CSMD2: variants seen among roughly 807,000 people sequenced by gnomAD.
CSMD2 encodes the protein CUB and Sushi multiple domains 2, also known as CUB and sushi domain-containing protein 2.
A neutral mutation model predicts 398.5 loss-of-function variants in CSMD2; 130 were observed. The ratio of observed to expected loss-of-function variants is 0.33; its 90% CI spans 0.28 to 0.38. The LOEUF (loss-of-function observed/expected upper bound fraction) is 0.38, where lower values mean the gene tolerates loss of function less well. CSMD2 is among the 10% of genes least tolerant of loss of function. CSMD2 has a pLI of 1.00. For missense variants in CSMD2, 3,829 were observed against 4,764.9 expected (o/e 0.80, Z 5.78); for synonymous variants, 1,828 against 1,908.5 (o/e 0.96, Z 1.10).
intron 65 of CSMD2, among the ~76,000 whole-genome samples, chr1:33,525,980 G>A (rs575903166): frequency 8.5e-5 from 13 of 152,212 alleles, no homozygotes; most frequent in Admixed American, 2.6e-4. Flanking sequence ...CACCACACCC[G>A]GCCAAAAGAG....
intron 3 of CSMD2, among the ~76,000 whole-genome samples, chr1:34,031,602 A>AC (rs771089594): frequency 6.6e-6 from 1 of 150,982 alleles, no homozygotes; most frequent in African/African-American, 2.4e-5. Flanking sequence ...TCTCCCCTAT[A>AC]CCCCCTGCCA....
At chr1:34,137,314 C>T (rs1441041478) in intron 1 of CSMD2, among the ~76,000 whole-genome samples, 1 of 151,738 alleles carries the variant, frequency 6.6e-6, no homozygotes, top group Non-Finnish European at 1.5e-5. Context: ...GTGACTGAAA[C>T]CTTATTACTT....
Position 33,819,808 on chromosome 1 carries a change from T to C in CSMD2, c.1229A>G (p.Asn410Ser). ...GGACCCTTGCAGGTCATAGCCCTCG[T>C]TGCAGGTGAACTGGACGCTGGATCC... ...RLGSSVQFTCNEGYDLQGSKR... is the reference protein window; with the variant it reads ...RLGSSVQFTCSEGYDLQGSKR... The change falls in exon 9 of 71, where the codon AAC becomes AGC. Residue 410 changes from asparagine to serine, a missense_variant. Coordinates refer to ENST00000373381, the MANE Select transcript of CSMD2 (RefSeq NM_001281956.2). 6.2e-7 allele frequency: 1 copy of C among 1,614,156 alleles called. No homozygotes were observed. Among genetic ancestry groups the C allele is most frequent in the African/African-American group, 1.3e-5 (1 of 75,062 alleles).
Position 34,164,464 on chromosome 1 carries a change from AGG to A in CSMD2, c.187+445_187+446del, listed in dbSNP as rs1418130799. ...AGACCTTGCAGACGCAGAAATGGGG[AGG>A]GGGCGCACGGTTCCTCTCCAGCCCC... On this transcript the variant is annotated intron_variant, in intron 1 of 70. Coordinates refer to ENST00000373381, the MANE Select transcript of CSMD2 (RefSeq NM_001281956.2). The surrounding 1 kb of genome is among the most constrained non-coding windows in gnomAD (Gnocchi z 6.2). Among the ~76,000 whole-genome samples, 1 of 151,674 alleles carries A rather than the reference AGG, an allele frequency of 6.6e-6. No individual in the cohort carries two copies. Among genetic ancestry groups the A allele is most frequent in the African/African-American group, 2.4e-5 (1 of 41,278 alleles).
intron 3 of CSMD2, among the ~76,000 whole-genome samples, chr1:34,017,278 A>G (rs1648264282): frequency 6.6e-6 from 1 of 152,220 alleles, no homozygotes; most frequent in Non-Finnish European, 1.5e-5. Flanking sequence ...TCCATTGGAC[A>G]TTGTTCTACT....
chr1:33,656,160 G>A (rs539243628), intron 27 of CSMD2, among the ~76,000 whole-genome samples: 1 of 152,254 alleles, frequency 6.6e-6, no homozygotes, highest in South Asian at 2.1e-4. Flanking sequence ...AAGAAGGAAG[G>A]AAGGAAGATA....
intron 41 of CSMD2, chr1:33,606,087 C>T (rs1640586710): frequency 1.4e-6 from 2 of 1,475,432 alleles, no homozygotes; most frequent in East Asian, 4.8e-5. Context: ...AAGCTGTTTC[C>T]ATGAGAGTGG....
intron 3 of CSMD2, among the ~76,000 whole-genome samples, chr1:33,980,144 T>C (rs1023434669): frequency 6.6e-6 from 1 of 152,140 alleles, no homozygotes; most frequent in African/African-American, 2.4e-5. Flanking sequence ...CTCTGGAACC[T>C]GGCCAGTTAC....
At chr1:34,113,435 G>A (rs1318542015) in intron 1 of CSMD2, among the ~76,000 whole-genome samples, 1 of 152,226 alleles carries the variant, frequency 6.6e-6, no homozygotes, top group African/African-American at 2.4e-5. Flanking sequence ...TGAATAATAT[G>A]CAAGACGCAC....
intron 3 of CSMD2, among the ~76,000 whole-genome samples, chr1:33,939,030 T>G (rs546976661): frequency 6.6e-6 from 1 of 152,176 alleles, no homozygotes; most frequent in East Asian, 1.9e-4. Flanking sequence ...TGCTGCTGGT[T>G]TACTTGGCAT....
intron 55 of CSMD2, 71 bp downstream of exon 55, chr1:33,557,663 C>G: frequency 1.6e-6 from 2 of 1,286,850 alleles, no homozygotes; most frequent in Non-Finnish European, 2.1e-6. Flanking sequence ...CACACACATG[C>G]ACAGAGGGGA....
intron 32 of CSMD2, among the ~76,000 whole-genome samples, chr1:33,630,117 T>A (rs925855718): frequency 1.3e-5 from 2 of 151,940 alleles, no homozygotes; most frequent in African/African-American, 4.8e-5. Context: ...TTACTTCCTG[T>A]TTCTATTGGT....
chr1:33,954,917 A>G (rs2125379155), intron 3 of CSMD2, among the ~76,000 whole-genome samples: 1 of 152,298 alleles, frequency 6.6e-6, no homozygotes, highest in East Asian at 1.9e-4. Flanking sequence ...ATGTGAATGT[A>G]CTTAATGCCA....
chr1:33,866,267 C>T (rs774003488), intron 5 of CSMD2, among the ~76,000 whole-genome samples: 56 of 152,162 alleles, frequency 3.7e-4, no homozygotes, highest in Non-Finnish European at 5.0e-4. Context: ...AGGCACATTA[C>T]GCACTACTGC....
intron 25 of CSMD2, among the ~76,000 whole-genome samples, chr1:33,679,681 A>G (rs1026017991): frequency 7.2e-5 from 11 of 152,230 alleles, no homozygotes; most frequent in African/African-American, 2.7e-4. Flanking sequence ...AAAATCACCT[A>G]AAATAATTCC....
At chr1:34,060,407 T>C (rs533149191) in intron 2 of CSMD2, among the ~76,000 whole-genome samples, 1 of 152,366 alleles carries the variant, frequency 6.6e-6, no homozygotes, top group East Asian at 1.9e-4. Flanking sequence ...TTAGAATGTA[T>C]TTATATACTG....
At chr1:33,580,178 A>G (rs751471354) in intron 48 of CSMD2, among the ~76,000 whole-genome samples, 57 of 152,324 alleles carry the variant, frequency 3.7e-4, no homozygotes, top group Non-Finnish European at 5.9e-4. Context: ...GGCATCAAGC[A>G]CCTTGTGAAG....
At chr1:33,972,324 T>A (rs968008535) in intron 3 of CSMD2, among the ~76,000 whole-genome samples, 2 of 152,188 alleles carry the variant, frequency 1.3e-5, no homozygotes, top group African/African-American at 4.8e-5. Flanking sequence ...GATGATTAAT[T>A]GATTCATAGT....
intron 6 of CSMD2, among the ~76,000 whole-genome samples, chr1:33,832,753 G>C (rs1356187963): frequency 6.6e-6 from 1 of 151,282 alleles, no homozygotes; most frequent in African/African-American, 2.4e-5. Context: ...TAGACCGCTA[G>C]CAAGACTAAT....
Sources: gnomAD v4.1 joint callset for allele counts (sites outside exome capture counted in the v4.1 genomes callset) on GRCh38, gnomAD v4.1.1 for gene constraint, Gnocchi (gnomAD v3.1) non-coding constraint, MANE v1.5 for transcripts, NCBI Gene and HGNC (gene_info 2026-07-23, HGNC 2026-07-21) for gene names.